Variants in ERC2 observed in about 807,000 individuals in gnomAD.
ERC2 encodes ERC protein 2.
Under a neutral mutation model 114.8 loss-of-function variants are expected in ERC2, and 42 were observed. That is an observed-to-expected ratio of 0.37 (90% CI 0.29 to 0.47). ERC2 has a LOEUF of 0.47. ERC2 is among the 20% of genes least tolerant of loss of function. The probability of loss-of-function intolerance (pLI) is 0.99; values close to 1 mark genes in which losing one functional copy is unlikely to be tolerated. For missense variants in ERC2, 939 were observed against 1,150.7 expected (o/e 0.82, Z 2.66); for synonymous variants, 454 against 425.5 (o/e 1.07, Z -0.82).
chr3:56,196,015 T>C (rs187409779), intron 3 of ERC2, among the ~76,000 whole-genome samples: 185 of 152,176 alleles, frequency 1.2e-3, no homozygotes, highest in African/African-American at 4.4e-3. Flanking sequence ...ATCACTGCAT[T>C]GTTTAGAAAC....
chr3:55,638,379 G>A (rs1377517210), intron 17 of ERC2, among the ~76,000 whole-genome samples: 1 of 152,168 alleles, frequency 6.6e-6, no homozygotes, highest in African/African-American at 2.4e-5. Context: ...CAAGCACAAG[G>A]AGCTCATAAC....
chr3:56,365,595 T>G (rs1304663400), intron 2 of ERC2, among the ~76,000 whole-genome samples: 1 of 152,260 alleles, frequency 6.6e-6, no homozygotes, highest in East Asian at 1.9e-4. Context: ...ATCACCTGTT[T>G]TGTATGGTCC....
chr3:55,928,828 A>G (rs1361301896), intron 13 of ERC2, among the ~76,000 whole-genome samples: 1 of 152,092 alleles, frequency 6.6e-6, no homozygotes, highest in African/African-American at 2.4e-5. Context: ...CTGTATATGG[A>G]TGTCCAGTTT....
chr3:56,381,933 C>G (rs906344871), intron 2 of ERC2, among the ~76,000 whole-genome samples: 1 of 152,084 alleles, frequency 6.6e-6, no homozygotes, highest in Non-Finnish European at 1.5e-5. Context: ...TCAACCTCTT[C>G]GAAAATGATA....
chr3:55,759,255 AT>A lies in ERC2; in HGVS notation c.2565-24338del, dbSNP rs1257388099. On this transcript the variant is annotated intron_variant, in intron 14 of 17. Coordinates refer to ENST00000288221, the MANE Select transcript of ERC2 (RefSeq NM_015576.3). ...GTATTGCTGTGCATTTCTTCTTGTC[AT>A]TTTGAAAATTACAATCATCTTACAA... is the stretch of plus-strand genomic sequence containing the variant. Among the ~76,000 whole-genome samples the A allele has an allele frequency of 4.6e-5, 7 of 152,242 alleles. No individual in the cohort carries two copies. The East Asian group carries it at 1.4e-3, about 29-fold the overall frequency.
intron 13 of ERC2, among the ~76,000 whole-genome samples, chr3:55,947,609 C>T (rs2067212539): frequency 6.6e-6 from 1 of 152,170 alleles, no homozygotes; most frequent in African/African-American, 2.4e-5. Flanking sequence ...GGGTTGCTGA[C>T]ACCTGGCCTC....
intron 1 of ERC2, among the ~76,000 whole-genome samples, chr3:56,460,261 T>G (rs531905636): frequency 5.9e-5 from 9 of 152,328 alleles, no homozygotes; most frequent in African/African-American, 1.9e-4. Flanking sequence ...TTGTTTCTGT[T>G]GTAATTGTGG....
chr3:55,645,524 C>T (rs2060357350), intron 17 of ERC2, among the ~76,000 whole-genome samples: 3 of 152,254 alleles, frequency 2.0e-5, no homozygotes, highest in African/African-American at 7.2e-5. Flanking sequence ...AGCTGGCTTC[C>T]AAAATCCCTT....
At chr3:55,836,335 A>T (rs201704182) in intron 14 of ERC2, among the ~76,000 whole-genome samples, 1 of 152,078 alleles carries the variant, frequency 6.6e-6, no homozygotes, top group Non-Finnish European at 1.5e-5. Flanking sequence ...GAGGCATCAC[A>T]CTACCTGACT....
chr3:55,518,688 C>G (rs1307675082), intron 17 of ERC2, among the ~76,000 whole-genome samples: 1 of 151,886 alleles, frequency 6.6e-6, no homozygotes, highest in Admixed American at 6.5e-5. Flanking sequence ...GAAGTAGTTA[C>G]TAGAAAAGAA....
intron 2 of ERC2, among the ~76,000 whole-genome samples, chr3:56,362,368 G>A (rs1397500867): frequency 6.6e-6 from 1 of 152,182 alleles, no homozygotes; most frequent in Non-Finnish European, 1.5e-5. Flanking sequence ...AGGAGAGAGA[G>A]GGAAGTGGTG....
At chr3:56,417,505 T>C (rs1225606611) in intron 2 of ERC2, among the ~76,000 whole-genome samples, 2 of 152,184 alleles carry the variant, frequency 1.3e-5, no homozygotes, top group African/African-American at 4.8e-5. Flanking sequence ...AAGAAAACTC[T>C]CCTAGCCATT....
In ERC2 at chr3:55,677,624, C is replaced by T. The variant is rs531305030; in HGVS notation, c.*39+6170G>A. Among the ~76,000 whole-genome samples the T allele has an allele frequency of 3.9e-5, 6 of 152,248 alleles. No homozygotes were observed. In the East Asian group the frequency reaches 5.8e-4, roughly 15 times the overall value. ...TCAAAGAGAAAATGGAGGGGAGAGA[C>T]GGAAGGTGACTTACCCACGATCATC... On this transcript the variant is annotated intron_variant, in intron 17 of 17. Coordinates refer to ENST00000288221, the MANE Select transcript of ERC2 (RefSeq NM_015576.3).
intron 14 of ERC2, among the ~76,000 whole-genome samples, 200 bp downstream of exon 14, chr3:55,888,189 A>C (rs2149318915): frequency 6.6e-6 from 1 of 152,338 alleles, no homozygotes; most frequent in South Asian, 2.1e-4. Flanking sequence ...TTTTTCAATA[A>C]CAGATGTGAG....
chr3:55,589,031 A>G (rs1355592811), intron 17 of ERC2, among the ~76,000 whole-genome samples: 3 of 152,034 alleles, frequency 2.0e-5, no homozygotes, highest in Non-Finnish European at 4.4e-5. Context: ...GAATTCACTT[A>G]TTAGCTGTGT....
intron 3 of ERC2, among the ~76,000 whole-genome samples, chr3:56,202,011 C>T (rs554909055): frequency 6.6e-6 from 1 of 152,286 alleles, no homozygotes; most frequent in South Asian, 2.1e-4. Context: ...TCTTCCAGTT[C>T]CTGAATCAAA....
At chr3:56,192,065 A>T (rs981099921) in intron 3 of ERC2, among the ~76,000 whole-genome samples, 6 of 152,240 alleles carry the variant, frequency 3.9e-5, no homozygotes, top group African/African-American at 1.4e-4. Flanking sequence ...AAAACTGAGA[A>T]AACTAAGTGA....
At chr3:56,423,893 C>G (rs1461239270) in intron 2 of ERC2, among the ~76,000 whole-genome samples, 1 of 152,180 alleles carries the variant, frequency 6.6e-6, no homozygotes. Context: ...GAGGCCAAAC[C>G]ACTTATTGAG....
chr3:56,459,545 AC>A (rs1275065191), intron 1 of ERC2, among the ~76,000 whole-genome samples: 1 of 152,034 alleles, frequency 6.6e-6, no homozygotes, highest in African/African-American at 2.4e-5. Context: ...ACACACACAC[AC>A]ACACACACAC....
Sources: gnomAD v4.1 joint callset for allele counts (sites outside exome capture counted in the v4.1 genomes callset) on GRCh38, gnomAD v4.1.1 for gene constraint, MANE v1.5 for transcripts, NCBI Gene and HGNC (gene_info 2026-07-23, HGNC 2026-07-21) for gene names.